The following HMGXB4 variants were observed in gnomAD, a reference collection of about 807,000 sequenced individuals.
HMGXB4 encodes the protein HMG domain-containing protein 4.
HMGXB4 carries 27 observed loss-of-function variants against 63.9 expected under a neutral mutation model. That is an observed-to-expected ratio of 0.42 (90% confidence interval 0.31 to 0.58). The LOEUF (loss-of-function observed/expected upper bound fraction) is 0.58, where lower values mean the gene tolerates loss of function less well. HMGXB4 is among the 20% of genes least tolerant of loss of function. HMGXB4 has a pLI of 0.13. For missense variants in HMGXB4, 624 were observed against 700.7 expected (o/e 0.89, Z 1.24); for synonymous variants, 264 against 265.3 (o/e 0.99, Z 0.05).
At chr22:35,258,525 G>A (rs1460925609) in intron 1 of HMGXB4, 2 of 152,234 alleles carry the variant, frequency 1.3e-5, no homozygotes, top group African/African-American at 2.4e-5. Context: ...ACTGCAATGA[G>A]AGGATTCAAT....
chr22:35,263,050 C>T, intron 2 of HMGXB4, 28 bp from the exon 3 acceptor site: 3 of 1,608,696 alleles, frequency 1.9e-6, no homozygotes, highest in Non-Finnish European at 8.5e-7. Context: ...TTCTCATTTC[C>T]TTTCCCAAAT....
At chr22:35,280,637 A>C (rs1166538049) in intron 5 of HMGXB4, among the ~76,000 whole-genome samples, 1 of 152,164 alleles carries the variant, frequency 6.6e-6, no homozygotes, top group Non-Finnish European at 1.5e-5. Flanking sequence ...CTGACTATAT[A>C]ACTTCCTGCT....
At chr22:35,247,348 C>T in the HMGXB4 span, among the ~76,000 whole-genome samples, 1 of 152,184 alleles carries the variant, frequency 6.6e-6, no homozygotes, top group Non-Finnish European at 1.5e-5. Flanking sequence ...CATATGGTTC[C>T]AGCACTCCAC....
chr22:35,286,857 A>AAAG (rs1924614471), intron 7 of HMGXB4: 1 of 140,608 alleles, frequency 7.1e-6, no homozygotes, highest in Non-Finnish European at 1.6e-5. Flanking sequence ...ATCTCAAAAA[A>AAAG]AAAAAAAAAA....
At chr22:35,253,805 C>G (rs1922288962), upstream of HMGXB4, among the ~76,000 whole-genome samples, 1 of 152,170 alleles carries the variant, frequency 6.6e-6, no homozygotes. Context: ...AGAGGGCCTG[C>G]TTCTCTCTGG....
chr22:35,286,099 T>G (rs1924562044), intron 7 of HMGXB4, 38 bp downstream of exon 7: 2 of 1,402,966 alleles, frequency 1.4e-6, no homozygotes, highest in South Asian at 1.2e-5. Context: ...TTTCAGTGCT[T>G]CTCGCCTTCC....
intron 4 of HMGXB4, 143 bp from the exon 5 acceptor site, chr22:35,264,505 G>T (rs1038297161): frequency 1.5e-6 from 1 of 648,860 alleles, no homozygotes; most frequent in Non-Finnish European, 2.7e-6. Flanking sequence ...ATTTCTCAAT[G>T]TTAGGAATCA....
chr22:35,287,414 G>C lies in HMGXB4; in HGVS notation c.1430G>C (p.Arg477Thr). The C allele has an allele frequency of 6.2e-7, 1 of 1,613,594 alleles. No homozygotes were observed. The highest frequency in any genetic ancestry group is 1.1e-5 in the South Asian group (1 of 91,004). The change falls in exon 8 of 11, where the codon AGG becomes ACG. Residue 477 changes from arginine (R) to threonine (T), a missense_variant. Arg to Thr is a moderately conservative substitution (Grantham distance 71). Coordinates refer to ENST00000216106, the MANE Select transcript of HMGXB4 (RefSeq NM_001003681.3). The part of the protein sequence containing the change: ...QNKAEATTVK[R>T]KASSSEGSMK... ...AAAGCAGAAGCCACAACTGTGAAAA[G>C]GAAAGCATCCAGCTCAGAAGGTTCC...
At chr22:35,253,144 A>AAAAAAAAAAAAAAAAAG (rs11282400), upstream of HMGXB4, among the ~76,000 whole-genome samples, 6 of 125,308 alleles carry the variant, frequency 4.8e-5, no homozygotes, top group African/African-American at 8.6e-5. Context: ...AAAAAAAAAA[A>AAAAAAAAAAAAAAAAAG]AAAAAAGAAA....
At chr22:35,263,738 G>A in intron 3 of HMGXB4, 58 bp from the exon 4 acceptor site, 2 of 1,194,326 alleles carry the variant, frequency 1.7e-6, no homozygotes, top group South Asian at 1.2e-5. Context: ...GACAAGAGTG[G>A]TTACAAACTG....
At chr22:35,274,422 G>A (rs1376289720) in intron 5 of HMGXB4, among the ~76,000 whole-genome samples, 1 of 152,168 alleles carries the variant, frequency 6.6e-6, no homozygotes, top group Non-Finnish European at 1.5e-5. Flanking sequence ...TCTAGGAAGG[G>A]GCAGGAGAAC....
intron 9 of HMGXB4, among the ~76,000 whole-genome samples, chr22:35,289,930 T>C (rs529006548): frequency 6.6e-6 from 1 of 152,344 alleles, no homozygotes; most frequent in African/African-American, 2.4e-5. Flanking sequence ...AGTGTAGGAA[T>C]GTAAAACTAA....
At chr22:35,264,561 T>C (rs1923066266) in intron 4 of HMGXB4, 87 bp from the exon 5 acceptor site, 1 of 875,466 alleles carries the variant, frequency 1.1e-6, no homozygotes, top group East Asian at 2.4e-5. Flanking sequence ...CTCTTTCTCA[T>C]GTTAGCTAGG....
chr22:35,289,003 G>A (rs1924769432), intron 9 of HMGXB4, among the ~76,000 whole-genome samples: 2 of 152,106 alleles, frequency 1.3e-5, no homozygotes, highest in South Asian at 4.1e-4. Flanking sequence ...AGCCAGGTGT[G>A]GTGGCATGCA....
upstream of HMGXB4, among the ~76,000 whole-genome samples, chr22:35,253,132 C>CAAAAAAAAAAAAAA (rs554912249): frequency 1.0e-5 from 1 of 96,548 alleles, no homozygotes; most frequent in African/African-American, 5.2e-5. Flanking sequence ...AACTCCATCT[C>CAAAAAAAAAAAAAA]AAAAAAAAAA....
At chr22:35,253,600 TGCGCGCGCGCGCGC>T (rs55731093), upstream of HMGXB4, among the ~76,000 whole-genome samples, 3 of 151,046 alleles carry the variant, frequency 2.0e-5, no homozygotes, top group South Asian at 6.3e-4. Flanking sequence ...TTGGATTTTG[TGCGCGCGCGCGCGC>T]GCGTGTGTGT....
the HMGXB4 span, among the ~76,000 whole-genome samples, chr22:35,242,134 C>A: frequency 6.6e-6 from 1 of 152,078 alleles, no homozygotes; most frequent in Non-Finnish European, 1.5e-5. Flanking sequence ...TTTTAAAATT[C>A]TTCTTTAAAC....
chr22:35,250,811 CTT>C, the HMGXB4 span, among the ~76,000 whole-genome samples: 2 of 152,140 alleles, frequency 1.3e-5, no homozygotes, highest in African/African-American at 4.8e-5. Flanking sequence ...CTCTCTGTGT[CTT>C]TCTGATTTTC....
intron 5 of HMGXB4, among the ~76,000 whole-genome samples, chr22:35,274,895 A>G (rs566868890): frequency 5.3e-4 from 81 of 152,216 alleles, no homozygotes; most frequent in African/African-American, 1.8e-3. Context: ...TCAGGTGGTA[A>G]AATGGTTACA....
Sources: gnomAD v4.1 joint callset for allele counts (sites outside exome capture counted in the v4.1 genomes callset) on GRCh38, gnomAD v4.1.1 for gene constraint, MANE v1.5 for transcripts, NCBI Gene and HGNC (gene_info 2026-07-23, HGNC 2026-07-21) for gene names.